Variants in STPG2 observed in about 807,000 individuals in gnomAD.
STPG2 encodes the protein sperm tail PG-rich repeat containing 2.
A neutral mutation model predicts 54.2 loss-of-function variants in STPG2; 56 were observed. That is an observed-to-expected ratio of 1.03 (90% CI 0.83 to 1.29). The LOEUF (loss-of-function observed/expected upper bound fraction) is 1.29. Among genes scored for constraint, STPG2 ranks in the 50% most tolerant of loss-of-function variants. STPG2 has a pLI of 0.00. For missense variants in STPG2, 596 were observed against 544.9 expected (o/e 1.09, Z -0.93); for synonymous variants, 200 against 181.8 (o/e 1.10, Z -0.81).
At chr4:97,713,871 A>G (rs181999310) in intron 9 of STPG2, among the ~76,000 whole-genome samples, 32 of 152,302 alleles carry the variant, frequency 2.1e-4, no homozygotes, top group African/African-American at 7.2e-4. Flanking sequence ...TTTAAACAAT[A>G]CTATTGAGTG....
chr4:97,522,871 G>A (rs1251383702), intron 4 of STPG2, among the ~76,000 whole-genome samples: 1 of 151,942 alleles, frequency 6.6e-6, no homozygotes, highest in Non-Finnish European at 1.5e-5. Context: ...ACAAATTCAT[G>A]TTTCAAGGTA....
intron 8 of STPG2, among the ~76,000 whole-genome samples, chr4:97,903,517 T>C (rs1258289741): frequency 6.7e-6 from 1 of 150,088 alleles, no homozygotes; most frequent in Non-Finnish European, 1.5e-5. Context: ...ACAATAAATA[T>C]AGAATCAAAA....
chr4:97,842,298 T>C (rs1728825147), intron 8 of STPG2, among the ~76,000 whole-genome samples: 1 of 151,846 alleles, frequency 6.6e-6, no homozygotes. Context: ...TTTCTTTTTG[T>C]CTGCATCAAG....
chr4:97,634,520 C>A (rs1300450057), intron 10 of STPG2, among the ~76,000 whole-genome samples: 1 of 152,086 alleles, frequency 6.6e-6, no homozygotes, highest in Non-Finnish European at 1.5e-5. Context: ...GAGAAGAAGG[C>A]TTCAGACGAT....
intron 4 of STPG2, among the ~76,000 whole-genome samples, chr4:97,462,362 A>C (rs1049234126): frequency 6.6e-6 from 1 of 151,946 alleles, no homozygotes; most frequent in Non-Finnish European, 1.5e-5. Context: ...TTTCTTATTC[A>C]TAATTGCTCT....
intron 4 of STPG2, among the ~76,000 whole-genome samples, chr4:97,538,766 GA>G (rs1486248222): frequency 3.3e-5 from 5 of 152,226 alleles, no homozygotes; most frequent in South Asian, 2.1e-4. Flanking sequence ...TCAAATGAAG[GA>G]AAAAATGTTA....
intron 4 of STPG2, among the ~76,000 whole-genome samples, chr4:97,448,419 A>C (rs1729281644): frequency 6.6e-6 from 1 of 152,070 alleles, no homozygotes; most frequent in Non-Finnish European, 1.5e-5. Context: ...TCAAATTGTA[A>C]TCCCCACATG....
intron 3 of STPG2, among the ~76,000 whole-genome samples, chr4:98,114,316 A>AT (rs538748213): frequency 7.2e-5 from 11 of 152,018 alleles, no homozygotes; most frequent in Non-Finnish European, 1.3e-4. Context: ...AATTGTGCAT[A>AT]TTTTTTTCTA....
chr4:98,067,058 T>C (rs1737857218), intron 5 of STPG2, among the ~76,000 whole-genome samples: 1 of 152,180 alleles, frequency 6.6e-6, no homozygotes, highest in East Asian at 1.9e-4. Flanking sequence ...CATTTAAACA[T>C]GGCCTCATCA....
At chr4:97,671,823 C>T (rs1259433788) in intron 10 of STPG2, among the ~76,000 whole-genome samples, 3 of 152,050 alleles carry the variant, frequency 2.0e-5, no homozygotes, top group African/African-American at 7.2e-5. Flanking sequence ...ATGAGGAGAA[C>T]CTAGACCAGT....
At chr4:98,022,806 G>A (rs1214701180) in intron 5 of STPG2, among the ~76,000 whole-genome samples, 2 of 151,938 alleles carry the variant, frequency 1.3e-5, no homozygotes, top group Non-Finnish European at 2.9e-5. Flanking sequence ...CCAGTTGATC[G>A]CATCGGCTCC....
intron 10 of STPG2, among the ~76,000 whole-genome samples, chr4:97,600,883 T>TGTCTACACATAGGATTC (rs1165104401): frequency 1.3e-5 from 2 of 152,046 alleles, no homozygotes; most frequent in Non-Finnish European, 2.9e-5. Flanking sequence ...TCCTAGGATT[T>TGTCTACACATAGGATTC]GTCTACACAT....
intron 6 of STPG2, among the ~76,000 whole-genome samples, chr4:97,978,191 C>G (rs1035960042): frequency 1.3e-5 from 2 of 152,142 alleles, no homozygotes; most frequent in African/African-American, 4.8e-5. Context: ...GGAATATAAA[C>G]TGTTCTATTA....
intron 5 of STPG2, among the ~76,000 whole-genome samples, chr4:98,083,209 T>C (rs1487014296): frequency 1.3e-5 from 2 of 152,148 alleles, no homozygotes; most frequent in Non-Finnish European, 2.9e-5. Flanking sequence ...CTAACACATG[T>C]AATAATGACT....
chr4:97,526,800 TG>T (rs1731290476), intron 4 of STPG2, among the ~76,000 whole-genome samples: 1 of 152,146 alleles, frequency 6.6e-6, no homozygotes, highest in Non-Finnish European at 1.5e-5. Context: ...AGGGTTTTTA[TG>T]GTTTTAGGTC....
intron 4 of STPG2, among the ~76,000 whole-genome samples, chr4:97,538,734 T>A (rs1325143787): frequency 1.3e-5 from 2 of 152,006 alleles, no homozygotes; most frequent in Non-Finnish European, 2.9e-5. Flanking sequence ...CCAAGACACA[T>A]AATTGTCAGA....
chr4:97,673,499 T>C (rs111340618), intron 10 of STPG2, among the ~76,000 whole-genome samples: 6 of 152,352 alleles, frequency 3.9e-5, no homozygotes, highest in African/African-American at 1.4e-4. Context: ...AAGTATTTGT[T>C]GACCTTTTCT....
chr4:97,847,247 T>C (rs927301222), intron 8 of STPG2, among the ~76,000 whole-genome samples: 1 of 152,180 alleles, frequency 6.6e-6, no homozygotes, highest in African/African-American at 2.4e-5. Flanking sequence ...ATTATCTTTG[T>C]TTTACATGTT....
At chr4:97,454,120 A>G (rs1210107886) in intron 4 of STPG2, among the ~76,000 whole-genome samples, 2 of 152,184 alleles carry the variant, frequency 1.3e-5, no homozygotes, top group African/African-American at 4.8e-5. Flanking sequence ...ATTTAAAACA[A>G]CATGGCTTAA....
Sources: gnomAD v4.1 joint callset for allele counts (sites outside exome capture counted in the v4.1 genomes callset) on GRCh38, gnomAD v4.1.1 for gene constraint, MANE v1.5 for transcripts, NCBI Gene and HGNC (gene_info 2026-07-23, HGNC 2026-07-21) for gene names.